PCCA: variants seen among roughly 807,000 people sequenced by gnomAD.
PCCA encodes propionyl-CoA carboxylase alpha chain, mitochondrial.
In PCCA, 74 loss-of-function variants were observed where a neutral mutation model predicts 101.3. The ratio of observed to expected loss-of-function variants is 0.73; its 90% CI spans 0.61 to 0.89. The LOEUF (loss-of-function observed/expected upper bound fraction) is 0.89. Ranked by LOEUF, PCCA falls within the 40% of genes least tolerant of loss-of-function variation. The probability of loss-of-function intolerance (pLI) is 0.00; values close to 1 mark genes in which losing one functional copy is unlikely to be tolerated. For missense variants in PCCA, 891 were observed against 907.0 expected, an observed-to-expected ratio of 0.98 and a Z score of 0.23; for synonymous variants, 294 against 313.6, an observed-to-expected ratio of 0.94 and a Z score of 0.66.
chr13:100,166,314 T>G (rs2055029058), intron 6 of PCCA, among the ~76,000 whole-genome samples: 1 of 150,004 alleles, frequency 6.7e-6, no homozygotes, highest in Non-Finnish European at 1.5e-5. Flanking sequence ...ATTCCCTGTT[T>G]TGTTTTGTTT....
At chr13:100,437,825 T>C (rs936832937) in intron 20 of PCCA, among the ~76,000 whole-genome samples, 3 of 151,964 alleles carry the variant, frequency 2.0e-5, no homozygotes, top group Admixed American at 6.6e-5. Flanking sequence ...CCTGCCACCA[T>C]GCCCAGCTAA....
intron 22 of PCCA, 187 bp from the exon 23 acceptor site, chr13:100,527,488 A>C (rs112558130): frequency 4.7e-5 from 30 of 634,266 alleles, no homozygotes; most frequent in Middle Eastern, 3.3e-4. Context: ...ACTTTATGAG[A>C]GAGAGAATGG....
chr13:100,297,463 C>T (rs1326211246), intron 12 of PCCA, among the ~76,000 whole-genome samples: 5 of 152,090 alleles, frequency 3.3e-5, no homozygotes, highest in African/African-American at 9.7e-5. Context: ...ATTCTGCTAC[C>T]GAAATGAGAT....
rs527716748 is a variant in PCCA at position 100,342,824 on chromosome 13, C to T, written c.1643+2565C>T. Among the ~76,000 whole-genome samples the T allele has an allele frequency of 2.6e-4, 39 of 151,708 alleles. No individual in the cohort carries two copies. In the East Asian group the frequency reaches 3.3e-3, roughly 13 times the overall value. On this transcript the variant is annotated intron_variant, in intron 18 of 23. Coordinates refer to ENST00000376285, the MANE Select transcript of PCCA (RefSeq NM_000282.4). ...GCAGCCTTGAATTCCTGGGCTACAGCGACCCTCCTGCCTCAGTGTCCCTGG... is the reference window on the plus strand; with the variant it reads ...GCAGCCTTGAATTCCTGGGCTACAGTGACCCTCCTGCCTCAGTGTCCCTGG...
At chr13:100,159,833 C>A (rs765894568) in intron 6 of PCCA, among the ~76,000 whole-genome samples, 11 of 152,170 alleles carry the variant, frequency 7.2e-5, no homozygotes, top group Non-Finnish European at 1.6e-4. Flanking sequence ...GCCTCCCACC[C>A]ACCGTGTCTA....
At chr13:100,324,553 C>A (rs2152722840) in intron 16 of PCCA, among the ~76,000 whole-genome samples, 1 of 152,176 alleles carries the variant, frequency 6.6e-6, no homozygotes, top group African/African-American at 2.4e-5. Context: ...TCATCATTTG[C>A]TATTATAAAA....
chr13:100,254,023 C>T (rs980105116), intron 8 of PCCA, among the ~76,000 whole-genome samples: 5 of 151,974 alleles, frequency 3.3e-5, no homozygotes, highest in Non-Finnish European at 7.4e-5. Context: ...TTAATGGGCT[C>T]ACAGTTACAC....
intron 7 of PCCA, among the ~76,000 whole-genome samples, chr13:100,224,401 C>T (rs1277035639): frequency 1.3e-5 from 2 of 152,254 alleles, no homozygotes; most frequent in African/African-American, 4.8e-5. Context: ...GCAAGCGCAG[C>T]TAGCAGCCCT....
chr13:100,386,606 C>T (rs976069851), intron 19 of PCCA, among the ~76,000 whole-genome samples: 2 of 152,250 alleles, frequency 1.3e-5, no homozygotes, highest in Admixed American at 6.5e-5. Flanking sequence ...TGGTCTCCAT[C>T]TCCTGACGTC....
chr13:100,132,686 A>G (rs2050670351), intron 4 of PCCA, among the ~76,000 whole-genome samples: 1 of 152,190 alleles, frequency 6.6e-6, no homozygotes, highest in Non-Finnish European at 1.5e-5. Flanking sequence ...TCATATGGTA[A>G]GTATAAGAAA....
At chr13:100,501,874 A>AATAAATAAATAC (rs2085705270) in intron 21 of PCCA, among the ~76,000 whole-genome samples, 1 of 90,538 alleles carries the variant, frequency 1.1e-5, no homozygotes, top group East Asian at 3.6e-4. Flanking sequence ...ACTCCTTCTC[A>AATAAATAAATAC]ATAAATAAAT....
chr13:100,238,632 A>C (rs1268158443), intron 8 of PCCA, among the ~76,000 whole-genome samples: 2 of 152,232 alleles, frequency 1.3e-5, no homozygotes, highest in African/African-American at 2.4e-5. Context: ...ATCAGCTCTT[A>C]CAAAGCTTTT....
chr13:100,321,686 T>C (rs2152717309), intron 16 of PCCA, among the ~76,000 whole-genome samples: 1 of 151,340 alleles, frequency 6.6e-6, no homozygotes, highest in Admixed American at 6.6e-5. Context: ...AAGAATATGA[T>C]CGATTCTGAT....
At chr13:100,181,595 G>A (rs1373036184) in intron 6 of PCCA, among the ~76,000 whole-genome samples, 2 of 151,828 alleles carry the variant, frequency 1.3e-5, no homozygotes, top group East Asian at 3.9e-4. Context: ...GCTAATTTTT[G>A]TATTTTTTGT....
At chr13:100,138,698 G>C (rs911766687) in intron 4 of PCCA, among the ~76,000 whole-genome samples, 1 of 152,024 alleles carries the variant, frequency 6.6e-6, no homozygotes, top group Non-Finnish European at 1.5e-5. Context: ...ACTTTGGGAG[G>C]CCGAAGCGGG....
Position 100,317,730 on chromosome 13 carries a change from G to A in PCCA, c.1429+7822G>A, listed in dbSNP as rs561609055. Among the ~76,000 whole-genome samples the A allele has an allele frequency of 9.2e-4, 140 of 152,236 alleles. 1 individual carries two copies. Among genetic ancestry groups the A allele is most frequent in the African/African-American group, 3.1e-3 (130 of 41,544 alleles). ...ACCTCCCTGGTAGCTGGGACTACAGGCACAAGCCAGCACACCCAGCTAATT... is the reference window on the plus strand; with the variant it reads ...ACCTCCCTGGTAGCTGGGACTACAGACACAAGCCAGCACACCCAGCTAATT... On this transcript the variant is annotated intron_variant, in intron 16 of 23. Transcript: ENST00000376285.
At chr13:100,393,512 G>A (rs537468078) in intron 19 of PCCA, among the ~76,000 whole-genome samples, 44 of 142,756 alleles carry the variant, frequency 3.1e-4, no homozygotes, top group African/African-American at 1.1e-3. Flanking sequence ...TCTGCCTCCC[G>A]GGTTCAAGCG....
chr13:100,477,925 C>T (rs1468998443), intron 21 of PCCA, among the ~76,000 whole-genome samples: 5 of 152,238 alleles, frequency 3.3e-5, no homozygotes, highest in Non-Finnish European at 7.3e-5. Context: ...AGCTGGCCAC[C>T]TGCACCTGAC....
chr13:100,344,218 A>C (rs550571156), intron 18 of PCCA, among the ~76,000 whole-genome samples: 2 of 152,374 alleles, frequency 1.3e-5, no homozygotes, highest in African/African-American at 4.8e-5. Flanking sequence ...TGGAAGATAC[A>C]TGTAAAAATA....
Sources: gnomAD v4.1 joint callset for allele counts (sites outside exome capture counted in the v4.1 genomes callset) on GRCh38, gnomAD v4.1.1 for gene constraint, MANE v1.5 for transcripts, NCBI Gene and HGNC (gene_info 2026-07-23, HGNC 2026-07-21) for gene names.